Variants in VSTM2B observed in about 807,000 individuals in gnomAD.
VSTM2B encodes the protein V-set and transmembrane domain-containing protein 2B.
Under a neutral mutation model 24.0 loss-of-function variants are expected in VSTM2B, and 24 were observed. The ratio of observed to expected loss-of-function variants is 1.00; its 90% confidence interval spans 0.72 to 1.40. VSTM2B has a LOEUF of 1.40. VSTM2B is among the 40% of genes most tolerant of loss of function. The probability of loss-of-function intolerance (pLI) is 0.00; values close to 1 mark genes in which losing one functional copy is unlikely to be tolerated. For synonymous variants in VSTM2B, 226 were observed against 194.4 expected, an observed-to-expected ratio of 1.16 and a Z score of -1.35; for missense variants, 399 against 416.4, an observed-to-expected ratio of 0.96 and a Z score of 0.36.
intron 3 of VSTM2B, chr19:29,529,124 A>C: frequency 1.0e-6 from 1 of 985,360 alleles, no homozygotes; most frequent in Non-Finnish European, 1.2e-6. Flanking sequence ...GTTTGTTGAG[A>C]GCCGTAGAGC....
intron 4 of VSTM2B, among the ~76,000 whole-genome samples, chr19:29,555,675 A>G (rs1970389452): frequency 6.6e-6 from 1 of 152,156 alleles, no homozygotes; most frequent in South Asian, 2.1e-4. Context: ...AGACTAATAA[A>G]GATGAAGAGA....
chr19:29,537,503 A>G (rs1190676317), intron 4 of VSTM2B, among the ~76,000 whole-genome samples: 5 of 152,082 alleles, frequency 3.3e-5, no homozygotes, highest in Admixed American at 6.5e-5. Flanking sequence ...CCTGCCAGCA[A>G]TCCTGTTTCT....
chr19:29,527,090 G>C (rs1969594855), intron 1 of VSTM2B, 121 bp from the exon 2 acceptor site: 1 of 890,556 alleles, frequency 1.1e-6, no homozygotes, highest in East Asian at 2.8e-5. Context: ...CGTGCGCCAG[G>C]GAGCAGCTGC....
chr19:29,548,501 AT>A (rs1159792937), intron 4 of VSTM2B, among the ~76,000 whole-genome samples: 1 of 152,256 alleles, frequency 6.6e-6, no homozygotes, highest in Non-Finnish European at 1.5e-5. Flanking sequence ...GTGTTCAATT[AT>A]TCCTCGCTGA....
chr19:29,529,630 T>C (rs1969680254), intron 3 of VSTM2B, among the ~76,000 whole-genome samples, 189 bp from the exon 4 acceptor site: 1 of 152,104 alleles, frequency 6.6e-6, no homozygotes, highest in African/African-American at 2.4e-5. Flanking sequence ...CTGCCTGGCG[T>C]CCACGCAGAG....
chr19:29,563,066 AGACAG>A (rs1280665256), intron 4 of VSTM2B, among the ~76,000 whole-genome samples: 1 of 152,102 alleles, frequency 6.6e-6, no homozygotes, highest in Non-Finnish European at 1.5e-5. Context: ...AGGATGCCCC[AGACAG>A]GGTGCGTGGG....
chr19:29,556,333 A>AT (rs1970408798), intron 4 of VSTM2B, among the ~76,000 whole-genome samples: 1 of 152,202 alleles, frequency 6.6e-6, no homozygotes, highest in Admixed American at 6.5e-5. Context: ...AAAATTCAAC[A>AT]TCCCTTCATG....
At chr19:29,534,633 T>C (rs1235537175) in intron 4 of VSTM2B, among the ~76,000 whole-genome samples, 1 of 151,672 alleles carries the variant, frequency 6.6e-6, no homozygotes, top group Non-Finnish European at 1.5e-5. Flanking sequence ...GGATAATAAC[T>C]TGAACCTGGG....
In VSTM2B at chr19:29,551,143, G is replaced by A. The variant is rs576951579; in HGVS notation, c.770-12703G>A. Among the ~76,000 whole-genome samples the A allele has an allele frequency of 2.4e-4, 36 of 152,336 alleles. 1 individual carries two copies. The South Asian group carries it at 6.8e-3, about 29-fold the overall frequency. ...CTGTGATCCCAATGCCCACAGGGTAGGAGTGGCCCCTCTGCACTCCGTTCC... is the reference window on the plus strand; with the variant it reads ...CTGTGATCCCAATGCCCACAGGGTAAGAGTGGCCCCTCTGCACTCCGTTCC... On this transcript the variant is annotated intron_variant, in intron 4 of 4. Coordinates refer to ENST00000335523, the MANE Select transcript of VSTM2B (RefSeq NM_001146339.2).
chr19:29,552,326 G>A (rs1019819230), intron 4 of VSTM2B, among the ~76,000 whole-genome samples: 1 of 152,216 alleles, frequency 6.6e-6, no homozygotes, highest in African/African-American at 2.4e-5. Flanking sequence ...AAGATCCAGG[G>A]ATGTCTCAAA....
intron 3 of VSTM2B, among the ~76,000 whole-genome samples, chr19:29,528,671 G>C (rs893616164): frequency 1.3e-5 from 2 of 152,244 alleles, no homozygotes; most frequent in Non-Finnish European, 2.9e-5. Flanking sequence ...TGTAAATCAA[G>C]GGTCCAAGGC....
At chr19:29,532,111 C>G (rs1265523658) in intron 4 of VSTM2B, among the ~76,000 whole-genome samples, 2 of 152,258 alleles carry the variant, frequency 1.3e-5, no homozygotes, top group Non-Finnish European at 2.9e-5. Context: ...ATGTATCATT[C>G]TTGGGAGACT....
intron 4 of VSTM2B, among the ~76,000 whole-genome samples, chr19:29,535,000 C>G (rs895141743): frequency 6.6e-6 from 1 of 152,202 alleles, no homozygotes; most frequent in Non-Finnish European, 1.5e-5. Context: ...GTACCTAATA[C>G]ACCCAAATAC....
At chr19:29,550,948 G>T (rs1304199434) in intron 4 of VSTM2B, among the ~76,000 whole-genome samples, 2 of 152,204 alleles carry the variant, frequency 1.3e-5, no homozygotes, top group African/African-American at 4.8e-5. Flanking sequence ...AGCCCCAGTG[G>T]AGAGGGCTGC....
At chr19:29,544,525 CAAAAAAAAAAAAAAAA>C (rs58540469) in intron 4 of VSTM2B, among the ~76,000 whole-genome samples, 6 of 54,342 alleles carry the variant, frequency 1.1e-4, no homozygotes, top group East Asian at 7.4e-4. Context: ...GACTCTGTCT[CAAAAAAAAAAAAAAAA>C]AAAAAAAAAA....
chr19:29,560,230 T>C (rs1451184456), intron 4 of VSTM2B, among the ~76,000 whole-genome samples: 2 of 152,130 alleles, frequency 1.3e-5, no homozygotes, highest in African/African-American at 2.4e-5. Flanking sequence ...GAGGGCACTA[T>C]GATAGGGATG....
At chr19:29,545,729 C>T (rs773285470) in intron 4 of VSTM2B, among the ~76,000 whole-genome samples, 12 of 152,244 alleles carry the variant, frequency 7.9e-5, no homozygotes, top group Admixed American at 3.3e-4. Context: ...TCCAGCCCAC[C>T]GTTGATGGGC....
chr19:29,541,194 A>G (rs535171225), intron 4 of VSTM2B, among the ~76,000 whole-genome samples: 2 of 152,320 alleles, frequency 1.3e-5, no homozygotes, highest in East Asian at 3.9e-4. Flanking sequence ...TCCTAAGAGC[A>G]GTGGGATGGG....
At position 29,535,652 on chromosome 19, in the gene VSTM2B, C is replaced by T. The variant is rs182571007; in HGVS notation, c.769+5362C>T. On this transcript the variant is annotated intron_variant, in intron 4 of 4. Coordinates refer to ENST00000335523, the MANE Select transcript of VSTM2B (RefSeq NM_001146339.2). ...GGATGTCGCCATGGCAACCGTAAACCGTGACCAAAGGGGGCCGTGGGCAAG... is the reference window on the plus strand; with the variant it reads ...GGATGTCGCCATGGCAACCGTAAACTGTGACCAAAGGGGGCCGTGGGCAAG... 2.1e-3 allele frequency among the ~76,000 whole-genome samples: 314 copies of T among 152,318 alleles called. 12 individuals carry two copies. In the South Asian group the frequency reaches 0.056, roughly 27 times the overall value.
Sources: allele counts gnomAD v4.1 joint callset (sites outside exome capture counted in the v4.1 genomes callset), GRCh38; gene constraint gnomAD v4.1.1; transcripts MANE v1.5; gene names NCBI Gene and HGNC (gene_info 2026-07-23, HGNC 2026-07-21).